KRTAP4-12: variants seen among roughly 807,000 people sequenced by gnomAD.
KRTAP4-12 encodes the protein keratin associated protein 4-12.
A neutral mutation model predicts 0.9 loss-of-function variants in KRTAP4-12; 1 was observed. The ratio of observed to expected loss-of-function variants is 1.11; its 90% CI spans 0.40 to 5.29. KRTAP4-12 has a LOEUF of 5.29. KRTAP4-12 is among the 30% of genes most tolerant of loss of function. KRTAP4-12 has a pLI of 0.16. For synonymous variants in KRTAP4-12, 85 were observed against 94.0 expected, an observed-to-expected ratio of 0.90 and a Z score of 0.55; for missense variants, 240 against 265.6, an observed-to-expected ratio of 0.90 and a Z score of 0.67.
Position 41,123,128 on chromosome 17 carries a change from A to G in KRTAP4-12, c.*389T>C. 3.4e-6 allele frequency: 1 copy of G among 295,614 alleles called. No individual in the cohort carries two copies. Among genetic ancestry groups the G allele is most frequent in the Non-Finnish European group, 6.2e-6 (1 of 160,470 alleles). 18.3% of individuals were successfully genotyped at this position (295,614 alleles called of 1,614,324 possible). A position where few individuals can be genotyped will look rare whatever the true frequency, so the allele number is the denominator to read the frequency against. On this transcript the variant is annotated 3_prime_UTR_variant, in exon 1 of 1. Coordinates refer to ENST00000394014, the MANE Select transcript of KRTAP4-12 (RefSeq NM_031854.3). Reference sequence around the variant, plus strand: ...ATAGAATAGAGGTTTATTTTGGTACATGGAAATAACAAGGTACAAAAATGT... The same window carrying G: ...ATAGAATAGAGGTTTATTTTGGTACGTGGAAATAACAAGGTACAAAAATGT...
rs1365195755 is a variant in KRTAP4-12, at chr17:41,123,135, TAAC to T, written c.*379_*381del. 1.9e-5 allele frequency: 6 copies of T among 314,240 alleles called. No homozygotes were observed. The highest frequency in any genetic ancestry group is 3.5e-5 in the Non-Finnish European group (6 of 172,158). 19.5% of individuals were successfully genotyped at this position (314,240 alleles called of 1,614,324 possible). A position where few individuals can be genotyped will look rare whatever the true frequency, so the allele number is the denominator to read the frequency against. ...AGAGGTTTATTTTGGTACATGGAAA[TAAC>T]AAGGTACAAAAATGTTTGCAAAAGA... On this transcript the variant is annotated 3_prime_UTR_variant, in exon 1 of 1. Coordinates refer to ENST00000394014, the MANE Select transcript of KRTAP4-12 (RefSeq NM_031854.3).
Position 41,123,129 on chromosome 17 carries a change from T to C in KRTAP4-12, c.*388A>G. On this transcript the variant is annotated 3_prime_UTR_variant, in exon 1 of 1. Transcript: ENST00000394014. ...TAGAATAGAGGTTTATTTTGGTACA[T>C]GGAAATAACAAGGTACAAAAATGTT... 3.4e-6 allele frequency: 1 copy of C among 293,760 alleles called. No homozygotes were observed. The allele number at this position is 293,760 out of a possible 1,614,324, so 18.2% of individuals were successfully genotyped here.
In KRTAP4-12 at chr17:41,123,235, G is replaced by A. The variant is rs1443185727; in HGVS notation, c.*282C>T. ...ATCTGTGGCCCTACAAATGATGGAG[G>A]CAATCTTCAAATTCCTTAGGCATGA... is the stretch of plus-strand genomic sequence containing the variant. On this transcript the variant is annotated 3_prime_UTR_variant, in exon 1 of 1. Transcript: ENST00000394014. The A allele has an allele frequency of 6.6e-6, 4 of 604,584 alleles. No homozygotes were observed. The highest frequency in any genetic ancestry group is 5.6e-5 in the African/African-American group (3 of 54,006). 37.5% of individuals were successfully genotyped at this position (604,584 alleles called of 1,614,324 possible). A position where few individuals can be genotyped will look rare whatever the true frequency, so the allele number is the denominator to read the frequency against.
At position 41,123,910 on chromosome 17, in the gene KRTAP4-12, A is replaced by G. The variant is rs28515113; in HGVS notation, c.213T>C (p.Cys71=). Residue 71 remains cysteine (C), a synonymous_variant, in exon 1 of 1, where the codon TGT becomes TGC. Coordinates refer to ENST00000394014, the MANE Select transcript of KRTAP4-12 (RefSeq NM_031854.3). ...AGCTGGGGCGGCAGCAGGTGGTCCT[A>G]CAGCAGGTGGTCTGACAGCAGCTGG... ...CRPSCCQTTC[C]RTTCCRPSCC... 2,020 of 1,395,970 alleles carry G rather than the reference A, an allele frequency of 1.4e-3. 4 individuals are homozygous for G. The African/African-American group carries it at 0.021, about 14-fold the overall frequency. 86.5% of individuals were successfully genotyped at this position (1,395,970 alleles called of 1,614,324 possible).
At position 41,123,629 on chromosome 17, in the gene KRTAP4-12, C is replaced by T. The variant is rs547294766; in HGVS notation, c.494G>A (p.Cys165Tyr). Residue 165 changes from cysteine to tyrosine, a missense_variant, in exon 1 of 1, where the codon TGC becomes TAC. By Grantham distance (194) the Cys-to-Tyr change is radical. This residue lies in a region of KRTAP4-12 where 119 missense variants were observed against 106.2 expected (regional missense o/e 1.12). Transcript: ENST00000394014. ...TCGGCCACAGACTGGACGCAGGCAG[C>T]AGCAGGGGCGGCAGCAGCTGGATTC... ...CCESSCCRPC[C>Y]CLRPVCGRVS... 3 of 1,613,668 alleles carry T rather than the reference C, an allele frequency of 1.9e-6. No homozygotes were observed. Among genetic ancestry groups the T allele is most frequent in the Non-Finnish European group, 2.5e-6 (3 of 1,179,876 alleles).
Position 41,123,401 on chromosome 17 carries a change from T to A in KRTAP4-12, c.*116A>T. ...AATGCAAATACAGAATTTCTAAGGA[T>A]GAGGTTTGCTTATGGGACCCAGATC... On this transcript the variant is annotated 3_prime_UTR_variant, in exon 1 of 1. Coordinates refer to ENST00000394014, the MANE Select transcript of KRTAP4-12 (RefSeq NM_031854.3). 1.4e-6 allele frequency: 2 copies of A among 1,449,078 alleles called. No individual in the cohort carries two copies. Among genetic ancestry groups the A allele is most frequent in the Middle Eastern group, 4.7e-4 (2 of 4,248 alleles). The allele number at this position is 1,449,078 out of a possible 1,614,324, so 89.8% of individuals were successfully genotyped here.
Position 41,124,089 on chromosome 17 carries a change from C to G in KRTAP4-12, c.34G>C (p.Asp12His). The G allele has an allele frequency of 2.5e-6, 4 of 1,613,124 alleles. No homozygotes were observed. Among genetic ancestry groups the G allele is most frequent in the Non-Finnish European group, 3.4e-6 (4 of 1,179,648 alleles). ...VNSCCGSVCSDQGCGLENCCR... is the reference protein window; with the variant it reads ...VNSCCGSVCSHQGCGLENCCR... Reference sequence around the variant, plus strand: ...CAGTTCTCCAGGCCACAGCCCTGGTCAGAGCACACAGAGCCACAACAGGAG... The same window carrying G: ...CAGTTCTCCAGGCCACAGCCCTGGTGAGAGCACACAGAGCCACAACAGGAG... Residue 12 changes from aspartate to histidine, a missense_variant, in exon 1 of 1, where the codon GAC (aspartate) becomes CAC (histidine). Physicochemically the swap from Asp to His is moderately conservative, Grantham distance 81. Around this residue, in one of 3 missense-constraint regions of KRTAP4-12, gnomAD observed 110 missense variants for 115.0 expected, o/e 0.96. Transcript: ENST00000394014.
In KRTAP4-12 at chr17:41,123,578, C is replaced by A. The variant is rs759767600; in HGVS notation, c.545G>T (p.Arg182Leu). 2 of 1,612,536 alleles carry A rather than the reference C, an allele frequency of 1.2e-6. No individual in the cohort carries two copies. The highest frequency in any genetic ancestry group is 1.7e-6 in the Non-Finnish European group (2 of 1,179,388). ...GRVSCHTTCY[R>L]PTCVISTCPR... ...GCAGGTGGAGATGACACAGGTTGGGCGATAGCAAGTGGTGTGGCAGGAGAC... is the reference window on the plus strand; with the variant it reads ...GCAGGTGGAGATGACACAGGTTGGGAGATAGCAAGTGGTGTGGCAGGAGAC... The change falls in exon 1 of 1, where the codon CGC becomes CTC. Residue 182 changes from arginine to leucine, a missense_variant. This residue lies in a region of KRTAP4-12 where 119 missense variants were observed against 106.2 expected (regional missense o/e 1.12). Coordinates refer to ENST00000394014, the MANE Select transcript of KRTAP4-12 (RefSeq NM_031854.3).
rs140837123 is a variant in KRTAP4-12 at position 41,124,109 on chromosome 17, C to T, written c.14G>A (p.Cys5Tyr). The T allele has an allele frequency of 3.1e-4, 492 of 1,611,630 alleles. 6 individuals are homozygous for T. The East Asian group carries it at 3.2e-3, about 10-fold the overall frequency. Residue 5 changes from cysteine (C) to tyrosine (Y), a missense_variant, in exon 1 of 1, where the codon TGT (cysteine) becomes TAT (tyrosine). This residue lies in a region of KRTAP4-12 where 110 missense variants were observed against 115.0 expected (regional missense o/e 0.96). Transcript: ENST00000394014. The part of the protein sequence containing the change: MVNS[C>Y]CGSVCSDQGC... Reference sequence around the variant, plus strand: ...CTGGTCAGAGCACACAGAGCCACAACAGGAGTTGACCATGGTGTCAGAGGG... The same window carrying T: ...CTGGTCAGAGCACACAGAGCCACAATAGGAGTTGACCATGGTGTCAGAGGG...
In KRTAP4-12 at chr17:41,124,161, G is replaced by A. The variant is rs1247444186; in HGVS notation, c.-39C>T. 8.3e-6 allele frequency: 13 copies of A among 1,571,920 alleles called. No homozygotes were observed. In the South Asian group the frequency reaches 1.3e-4, roughly 16 times the overall value. ...GGAGGTTCTCGGTGGGTTTCCAGGA[G>A]AGTGAGTGTTCTGAGTTTGATCTCT... On this transcript the variant is annotated 5_prime_UTR_variant, in exon 1 of 1. Transcript: ENST00000394014.
rs563963972 is a variant in KRTAP4-12, at chr17:41,123,806, C to G, written c.317G>C (p.Cys106Ser). ...CQPTCCRPSCCQTTCCRTTCC... is the reference protein window; with the variant it reads ...CQPTCCRPSCSQTTCCRTTCC... Reference sequence around the variant, plus strand: ...AGTGGTCCTGCAGCAGGTGGTCTGACAGCAGCTGGGGCGGCAGCAGGTGGG... The same window carrying G: ...AGTGGTCCTGCAGCAGGTGGTCTGAGAGCAGCTGGGGCGGCAGCAGGTGGG... The change falls in exon 1 of 1, where the codon TGT (cysteine) becomes TCT (serine). Residue 106 changes from cysteine (C) to serine (S), a missense_variant. This residue lies in a region of KRTAP4-12 where 11 missense variants were observed against 44.3 expected (regional missense o/e 0.25). Transcript: ENST00000394014. The G allele has an allele frequency of 6.2e-7, 1 of 1,612,926 alleles. No individual in the cohort carries two copies.
rs773904966 is a variant in KRTAP4-12, at chr17:41,123,866, C to A, written c.257G>T (p.Cys86Phe). 4.6e-5 allele frequency: 73 copies of A among 1,592,888 alleles called. 1 individual carries two copies. Among genetic ancestry groups the A allele is most frequent in the South Asian group, 4.3e-4 (39 of 90,690 alleles). ...CACAGACTGGCAGCACTGGGGTCTG[C>A]AGCAGCTGGACACACAGCAGCTGGG... ...CRPSCCVSSC[C>F]RPQCCQSVCC... is the part of the protein sequence containing the mutation. The change falls in exon 1 of 1, where the codon TGC becomes TTC. Residue 86 changes from cysteine (C) to phenylalanine (F), a missense_variant. This residue lies in a region of KRTAP4-12 where 110 missense variants were observed against 115.0 expected (regional missense o/e 0.96). Coordinates refer to ENST00000394014, the MANE Select transcript of KRTAP4-12 (RefSeq NM_031854.3).
rs569596436 is a variant in KRTAP4-12 at position 41,123,946 on chromosome 17, G to A, written c.177C>T (p.Thr59=). 1.6e-4 allele frequency: 245 copies of A among 1,558,974 alleles called. 3 individuals are homozygous for A. The highest frequency in any genetic ancestry group is 6.9e-4 in the Middle Eastern group (4 of 5,778). ...TCTGACAGCAGCTGGGGCGGCAGCA[G>A]GTGGGCTGACAGCACACAGACTGGC... The part of the protein sequence containing the change: ...QCCQSVCCQP[T]CCRPSCCQTT... Residue 59 remains threonine (T), a synonymous_variant, in exon 1 of 1, where the codon ACC becomes ACT. Transcript: ENST00000394014.
rs781138060 is a variant in KRTAP4-12 at position 41,123,751 on chromosome 17, G to C, written c.372C>G (p.Ser124Arg). The change falls in exon 1 of 1, where the codon AGC (serine) becomes AGG (arginine). Residue 124 changes from serine to arginine, a missense_variant. Ser to Arg is a moderately radical substitution (Grantham distance 110). This residue lies in a region of KRTAP4-12 where 119 missense variants were observed against 106.2 expected (regional missense o/e 1.12). Transcript: ENST00000394014. Reference protein sequence around the residue: ...TCCRPSCCVSSCCRPQCCQSV... With the variant: ...TCCRPSCCVSRCCRPQCCQSV... ...ACTGGCAGCACTGGGGTCTGCAGCA[G>C]CTGGACACACAGCAGCTGGGGCGGC... 5 of 1,612,254 alleles carry C rather than the reference G, an allele frequency of 3.1e-6. No homozygotes were observed. The highest frequency in any genetic ancestry group is 2.2e-5 in the East Asian group (1 of 44,692).
In KRTAP4-12 at chr17:41,123,866, C is replaced by T. The variant is rs773904966; in HGVS notation, c.257G>A (p.Cys86Tyr). 12 of 1,592,812 alleles carry T rather than the reference C, an allele frequency of 7.5e-6. No homozygotes were observed. The highest frequency in any genetic ancestry group is 2.2e-5 in the East Asian group (1 of 44,584). Residue 86 changes from cysteine (C) to tyrosine (Y), a missense_variant, in exon 1 of 1, where the codon TGC becomes TAC. Transcript: ENST00000394014. ...CRPSCCVSSCCRPQCCQSVCC... is the reference protein window; with the variant it reads ...CRPSCCVSSCYRPQCCQSVCC... ...CACAGACTGGCAGCACTGGGGTCTGCAGCAGCTGGACACACAGCAGCTGGG... is the reference window on the plus strand; with the variant it reads ...CACAGACTGGCAGCACTGGGGTCTGTAGCAGCTGGACACACAGCAGCTGGG...
At position 41,123,632 on chromosome 17, in the gene KRTAP4-12, C is replaced by A; in HGVS notation, c.491G>T (p.Cys164Phe). 6.2e-7 allele frequency: 1 copy of A among 1,613,626 alleles called. No homozygotes were observed. Among genetic ancestry groups the A allele is most frequent in the Non-Finnish European group, 8.5e-7 (1 of 1,179,886 alleles). Residue 164 changes from cysteine (C) to phenylalanine (F), a missense_variant, in exon 1 of 1, where the codon TGC (cysteine) becomes TTC (phenylalanine). Transcript: ENST00000394014. ...SCCESSCCRP[C>F]CCLRPVCGRV... The stretch of plus-strand genomic sequence containing the variant: ...GCCACAGACTGGACGCAGGCAGCAG[C>A]AGGGGCGGCAGCAGCTGGATTCACA...
In KRTAP4-12 at chr17:41,123,666, G is replaced by C; in HGVS notation, c.457C>G (p.Pro153Ala). The change falls in exon 1 of 1, where the codon CCC (proline) becomes GCC (alanine). Residue 153 changes from proline to alanine, a missense_variant. Pro to Ala is a conservative substitution (Grantham distance 27). This residue lies in a region of KRTAP4-12 where 119 missense variants were observed against 106.2 expected (regional missense o/e 1.12). Transcript: ENST00000394014. ...CAGCAGCTGGATTCACAGCAAGAGG[G>C]GCAGCAGCTGCTGGAGATGCAGCAG... Reference protein sequence around the residue: ...PSCCISSSCCPSCCESSCCRP... With the variant: ...PSCCISSSCCASCCESSCCRP... 9.9e-6 allele frequency: 16 copies of C among 1,613,226 alleles called. No homozygotes were observed. The highest frequency in any genetic ancestry group is 1.4e-5 in the Non-Finnish European group (16 of 1,179,872).
chr17:41,123,571 G>T lies in KRTAP4-12; in HGVS notation c.552C>A (p.Thr184=). ...VSCHTTCYRP[T]CVISTCPRPL... ...GGCGGGGGCAGGTGGAGATGACACA[G>T]GTTGGGCGATAGCAAGTGGTGTGGC... Residue 184 remains threonine, a synonymous_variant, in exon 1 of 1, where the codon ACC becomes ACA. Coordinates refer to ENST00000394014, the MANE Select transcript of KRTAP4-12 (RefSeq NM_031854.3). The T allele has an allele frequency of 6.2e-7, 1 of 1,613,020 alleles. No individual in the cohort carries two copies. Among genetic ancestry groups the T allele is most frequent in the Non-Finnish European group, 8.5e-7 (1 of 1,179,562 alleles).
At position 41,124,146 on chromosome 17, in the gene KRTAP4-12, G is replaced by C; in HGVS notation, c.-24C>G. 1 of 1,592,734 alleles carries C rather than the reference G, an allele frequency of 6.3e-7. No homozygotes were observed. Among genetic ancestry groups the C allele is most frequent in the Non-Finnish European group, 8.6e-7 (1 of 1,168,064 alleles). The stretch of plus-strand genomic sequence containing the variant: ...ATGGTGTCAGAGGGTGGAGGTTCTC[G>C]GTGGGTTTCCAGGAGAGTGAGTGTT... On this transcript the variant is annotated 5_prime_UTR_variant, in exon 1 of 1. Transcript: ENST00000394014.
Sources: gnomAD v4.1 joint callset for allele counts on GRCh38, gnomAD v4.1.1 for gene constraint, gnomAD v4.1.1 regional missense constraint, MANE v1.5 for transcripts, NCBI Gene and HGNC (gene_info 2026-07-23, HGNC 2026-07-21) for gene names.